The following TET2 variants were observed in gnomAD, a reference collection of about 807,000 sequenced individuals.
TET2 encodes methylcytosine dioxygenase TET2.
Under a neutral mutation model 142.9 loss-of-function variants are expected in TET2, and 299 were observed. That is an observed-to-expected ratio of 2.09 (90% confidence interval 1.90 to 2.30). The LOEUF is 2.30. TET2 is among the 30% of genes most tolerant of loss of function. The pLI, the probability that TET2 is intolerant of heterozygous loss-of-function variation, is 0.00. For missense variants in TET2, 2,418 were observed against 2,378.0 expected (o/e 1.02, Z -0.35); for synonymous variants, 819 against 849.0 (o/e 0.96, Z 0.61).
chr4:105,154,183 A>G (rs80248663), intron 1 of TET2, among the ~76,000 whole-genome samples: 4,726 of 152,312 alleles, frequency 0.031, 252 homozygotes, highest in African/African-American at 0.11. Flanking sequence ...GGTGATGATG[A>G]AAATGTTCTA....
rs1299586296 is a variant in TET2, at chr4:105,275,106, G to T, written c.4596G>T (p.Gln1532His). Residue 1532 changes from glutamine (Q) to histidine (H), a missense_variant, in exon 11 of 11, where the codon CAG becomes CAT. By Grantham distance (24) the Gln-to-His change is conservative (BLOSUM62 0). Coordinates refer to ENST00000380013, the MANE Select transcript of TET2 (RefSeq NM_001127208.3). ...AGTCCCAGCAGCCCCAGCCTCTACA[G>T]AAGCAGCCACCACAGCCCCAGCAGC... ...MQQSQQPQPL[Q>H]KQPPQPQQQQ... 6.4e-7 allele frequency: 1 copy of T among 1,551,156 alleles called. No individual in the cohort carries two copies. The highest frequency in any genetic ancestry group is 1.2e-5 in the South Asian group (1 of 83,882).
intron 2 of TET2, among the ~76,000 whole-genome samples, chr4:105,233,440 A>AGAAGATC (rs901470623): frequency 7.3e-5 from 11 of 151,036 alleles, no homozygotes; most frequent in Admixed American, 2.0e-4. Flanking sequence ...AGTGATAAAG[A>AGAAGATC]GAAGATCTGA....
At chr4:105,274,918 C>T (rs2110310372) in intron 10 of TET2, 130 bp from the exon 11 acceptor site, 1 of 1,226,810 alleles carries the variant, frequency 8.2e-7, no homozygotes, top group Non-Finnish European at 1.1e-6. Context: ...TTGCTCTTAT[C>T]TTTGCTTAAT....
chr4:105,177,384 A>G (rs1724861379), intron 1 of TET2, among the ~76,000 whole-genome samples: 1 of 152,256 alleles, frequency 6.6e-6, no homozygotes, highest in Non-Finnish European at 1.5e-5. Context: ...TACTTCTCAT[A>G]AAGGACTATT....
chr4:105,236,703 A>G lies in TET2; in HGVS notation c.2761A>G (p.Ile921Val), dbSNP rs527534443. ...AAQLAQQRYL[I>V]HNHANVFPVP... is the part of the protein sequence containing the mutation. Reference sequence around the variant, plus strand: ...GCAACTTGCTCAGCAAAGGTACTTGATACATAACCATGCAAATGTTTTTCC... The same window carrying G: ...GCAACTTGCTCAGCAAAGGTACTTGGTACATAACCATGCAAATGTTTTTCC... Residue 921 changes from isoleucine (I) to valine (V), a missense_variant, in exon 3 of 11, where the codon ATA becomes GTA. Physicochemically the swap from Ile to Val is conservative, Grantham distance 29 (BLOSUM62 3). Transcript: ENST00000380013. 2.4e-5 allele frequency: 38 copies of G among 1,614,126 alleles called. No homozygotes were observed. Among genetic ancestry groups the G allele is most frequent in the Admixed American group, 1.3e-4 (8 of 60,002 alleles).
chr4:105,268,069 C>T (rs897505546), intron 8 of TET2, among the ~76,000 whole-genome samples: 3 of 152,036 alleles, frequency 2.0e-5, no homozygotes, highest in Non-Finnish European at 4.4e-5. Flanking sequence ...CAACATCAAA[C>T]TGTAAATTTT....
intron 9 of TET2, among the ~76,000 whole-genome samples, chr4:105,270,327 GCA>G (rs1730889722): frequency 6.6e-6 from 1 of 152,204 alleles, no homozygotes; most frequent in Non-Finnish European, 1.5e-5. Flanking sequence ...GTGTTGACAA[GCA>G]CATGAGAATC....
At chr4:105,252,572 A>AT (rs1305684221) in intron 6 of TET2, among the ~76,000 whole-genome samples, 2 of 152,108 alleles carry the variant, frequency 1.3e-5, no homozygotes, top group African/African-American at 4.8e-5. Flanking sequence ...AGTAAGAAAT[A>AT]TTTTTTCTCA....
intron 1 of TET2, among the ~76,000 whole-genome samples, chr4:105,151,842 A>G (rs1723314037): frequency 6.6e-6 from 1 of 152,180 alleles, no homozygotes; most frequent in African/African-American, 2.4e-5. Flanking sequence ...TGGGACGACA[A>G]GGCAGGTGGA....
At chr4:105,152,963 A>G (rs995383556) in intron 1 of TET2, among the ~76,000 whole-genome samples, 25 of 152,154 alleles carry the variant, frequency 1.6e-4, no homozygotes, top group African/African-American at 5.8e-4. Context: ...TGATGGTAGG[A>G]GTAATGGTGT....
Position 105,276,839 on chromosome 4 carries a change from C to CT in TET2, c.*320_*321insT, listed in dbSNP as rs372498843. 4,181 of 55,822 alleles carry CT rather than the reference C, an allele frequency of 0.075. 247 individuals carry two copies. Among genetic ancestry groups the CT allele is most frequent in the East Asian group, 0.31 (1,224 of 3,978 alleles). 3.5% of individuals were successfully genotyped at this position (55,822 alleles called of 1,614,324 possible). On this transcript the variant is annotated 3_prime_UTR_variant, in exon 11 of 11. Coordinates refer to ENST00000380013, the MANE Select transcript of TET2 (RefSeq NM_001127208.3). ...GGACGAGATGATATGTAAATGTGAT[C>CT]CCCCCCCCCCGCTTACAACTCTACA...
Position 105,235,873 on chromosome 4 carries a change from A to C in TET2, c.1931A>C (p.Gln644Pro). The C allele has an allele frequency of 1.2e-6, 2 of 1,614,022 alleles. No individual in the cohort carries two copies. The highest frequency in any genetic ancestry group is 1.7e-6 in the Non-Finnish European group (2 of 1,179,996). ...YQVEMNQGQS[Q>P]GTVDQHLQFQ... ...GTTGAAATGAATCAAGGGCAGTCCC[A>C]AGGTACAGTGGACCAACATCTCCAG... The change falls in exon 3 of 11, where the codon CAA (glutamine) becomes CCA (proline). Residue 644 changes from glutamine (Q) to proline (P), a missense_variant. Physicochemically the swap from Gln to Pro is moderately conservative, Grantham distance 76. Transcript: ENST00000380013.
At chr4:105,258,533 A>G (rs767818432) in intron 6 of TET2, among the ~76,000 whole-genome samples, 1 of 152,286 alleles carries the variant, frequency 6.6e-6, no homozygotes, top group South Asian at 2.1e-4. Flanking sequence ...AGGTGTCATT[A>G]CTTTTAGGCT....
chr4:105,236,711 C>CG lies in TET2; in HGVS notation c.2769_2770insG (p.His924AlafsTer9). The stretch of plus-strand genomic sequence containing the variant: ...CTCAGCAAAGGTACTTGATACATAA[C>CG]CATGCAAATGTTTTTCCTGTGCCTG... On this transcript the variant is annotated frameshift_variant, in exon 3 of 11. Coordinates refer to ENST00000380013, the MANE Select transcript of TET2 (RefSeq NM_001127208.3). LOFTEE classifies it high-confidence loss of function. 6.2e-7 allele frequency: 1 copy of CG among 1,614,130 alleles called. No individual in the cohort carries two copies. The highest frequency in any genetic ancestry group is 8.5e-7 in the Non-Finnish European group (1 of 1,180,024).
At chr4:105,164,405 C>T (rs1246988106) in intron 1 of TET2, among the ~76,000 whole-genome samples, 1 of 152,160 alleles carries the variant, frequency 6.6e-6, no homozygotes, top group African/African-American at 2.4e-5. Context: ...ACTAATAATT[C>T]TTATCTCATG....
At chr4:105,226,922 C>T (rs113114782) in intron 2 of TET2, among the ~76,000 whole-genome samples, 9,656 of 152,164 alleles carry the variant, frequency 0.063, 408 homozygotes, top group Non-Finnish European at 0.092. Flanking sequence ...TCTCTTTGTC[C>T]AGAATTCTGG....
intron 2 of TET2, among the ~76,000 whole-genome samples, chr4:105,224,288 A>G (rs1217839528): frequency 2.6e-5 from 4 of 152,172 alleles, no homozygotes; most frequent in Admixed American, 2.0e-4. Context: ...GTCAAATGGT[A>G]TGGAGCAAAA....
Position 105,167,326 on chromosome 4 carries a change from A to G in TET2, c.-193+20347A>G, listed in dbSNP as rs543047013. Among the ~76,000 whole-genome samples, 93 of 152,178 alleles carry G rather than the reference A, an allele frequency of 6.1e-4. 1 individual carries two copies. The South Asian group carries it at 0.018, about 30-fold the overall frequency. On this transcript the variant is annotated intron_variant, in intron 1 of 10. Transcript: ENST00000380013. ...AGAAAATTAAATTTTACCTAACTAT[A>G]TCTAAAAACAATACAACTAAACTTA...
intron 10 of TET2, among the ~76,000 whole-genome samples, chr4:105,273,200 A>G (rs1285450658): frequency 1.3e-5 from 2 of 152,286 alleles, no homozygotes; most frequent in South Asian, 2.1e-4. Flanking sequence ...TTATTGTAAA[A>G]TGAACATTGT....
Sources: allele counts gnomAD v4.1 joint callset (sites outside exome capture counted in the v4.1 genomes callset), GRCh38; gene constraint gnomAD v4.1.1; transcripts MANE v1.5; gene names NCBI Gene and HGNC (gene_info 2026-07-23, HGNC 2026-07-21).